DCAF8: variants seen among roughly 807,000 people sequenced by gnomAD.
The protein encoded by DCAF8 is DDB1- and CUL4-associated factor 8.
In DCAF8, 20 loss-of-function variants were observed where a neutral mutation model predicts 68.0. The ratio of observed to expected loss-of-function variants is 0.29; its 90% CI spans 0.21 to 0.43. The LOEUF is 0.43. Ranked by LOEUF, DCAF8 falls within the 20% of genes least tolerant of loss-of-function variation. DCAF8 has a pLI of 1.00. For synonymous variants in DCAF8, 230 were observed against 276.9 expected (o/e 0.83, Z 1.68); for missense variants, 460 against 771.0 (o/e 0.60, Z 4.78).
At chr1:160,240,522 T>C in intron 3 of DCAF8, 152 bp from the exon 4 acceptor site, 1 of 676,394 alleles carries the variant, frequency 1.5e-6, no homozygotes, top group South Asian at 2.2e-5. Context: ...GAGTACCCTC[T>C]GAGGGGAAAT....
In DCAF8 at chr1:160,240,110, C is replaced by G; in HGVS notation, c.310G>C (p.Glu104Gln). The G allele has an allele frequency of 1.9e-6, 3 of 1,611,422 alleles. No homozygotes were observed. The highest frequency in any genetic ancestry group is 2.5e-6 in the Non-Finnish European group (3 of 1,179,020). Residue 104 changes from glutamate to glutamine, a missense_variant, in exon 4 of 14, where the codon GAG becomes CAG. Transcript: ENST00000368074. ...TCTTCTTCCTCCTCTTCTTCCTCCTCTTCCTCTTCCTCTGAGCGGTCATGG... is the reference window on the plus strand; with the variant it reads ...TCTTCTTCCTCCTCTTCTTCCTCCTGTTCCTCTTCCTCTGAGCGGTCATGG... The part of the protein sequence containing the change: ...RVHDRSEEEE[E>Q]EEEEEEEEQP...
chr1:160,217,620 G>T lies in DCAF8; in HGVS notation c.1766C>A (p.Pro589His). The change falls in exon 14 of 14, where the codon CCT becomes CAT. Residue 589 changes from proline to histidine, a missense_variant. This residue lies in a region of DCAF8 where 80 missense variants were observed against 115.1 expected (regional missense o/e 0.70). Coordinates refer to ENST00000368074, the MANE Select transcript of DCAF8 (RefSeq NM_015726.4). ...SSDTSDEEEG[P>H]DRVQCMPS The stretch of plus-strand genomic sequence containing the variant: ...AGATGGCATGCACTGCACCCGGTCA[G>T]GGCCCTCCTCCTCGTCCGATGTGTC... 6.2e-7 allele frequency: 1 copy of T among 1,613,988 alleles called. No homozygotes were observed. The highest frequency in any genetic ancestry group is 8.5e-7 in the Non-Finnish European group (1 of 1,179,990).
At chr1:160,218,497 G>T in intron 12 of DCAF8, 57 bp from the exon 13 acceptor site, 2 of 1,278,100 alleles carry the variant, frequency 1.6e-6, no homozygotes, top group South Asian at 1.2e-5. Flanking sequence ...CCCGGGACCT[G>T]ATCAAGAAGG....
intron 7 of DCAF8, among the ~76,000 whole-genome samples, chr1:160,229,382 G>A (rs1386251705): frequency 6.6e-6 from 1 of 152,150 alleles, no homozygotes. Context: ...CAGAAGATTT[G>A]AGTATTTCTC....
rs1282298579 is a variant in DCAF8, at chr1:160,217,651, A to T, written c.1735T>A (p.Ser579Thr). ...TCCTCCTCGTCCGATGTGTCTGAGG[A>T]GCTGGGAGACTCATCAGAGTCCGCG... is the stretch of plus-strand genomic sequence containing the variant. The part of the protein sequence containing the change: ...TDADSDESPS[S>T]SDTSDEEEGP... Residue 579 changes from serine (S) to threonine (T), a missense_variant, in exon 14 of 14, where the codon TCC becomes ACC. Around this residue, in one of 8 missense-constraint regions of DCAF8, gnomAD observed 80 missense variants for 115.1 expected, o/e 0.70. Transcript: ENST00000368074. The T allele has an allele frequency of 8.1e-6, 13 of 1,614,102 alleles. No individual in the cohort carries two copies. Among genetic ancestry groups the T allele is most frequent in the Non-Finnish European group, 1.1e-5 (13 of 1,180,010 alleles).
At chr1:160,245,161 C>CT (rs1656268971) in intron 2 of DCAF8, among the ~76,000 whole-genome samples, 1 of 152,226 alleles carries the variant, frequency 6.6e-6, no homozygotes, top group Admixed American at 6.5e-5. Context: ...CCAGACTCAT[C>CT]TTTCCTTAAC....
intron 3 of DCAF8, among the ~76,000 whole-genome samples, chr1:160,243,406 C>CT (rs35258380): frequency 0.42 from 58,843 of 138,952 alleles, 12,727 homozygotes; most frequent in South Asian, 0.61. Context: ...ATGTAATCAC[C>CT]TTTTTTTTTT....
At chr1:160,223,154 T>C (rs1413510589) in intron 10 of DCAF8, among the ~76,000 whole-genome samples, 1 of 152,232 alleles carries the variant, frequency 6.6e-6, no homozygotes, top group Non-Finnish European at 1.5e-5. Flanking sequence ...CATTGGTACC[T>C]TGTCAATATT....
chr1:160,232,176 C>T (rs974050251), intron 6 of DCAF8, among the ~76,000 whole-genome samples: 3 of 151,806 alleles, frequency 2.0e-5, no homozygotes, highest in Non-Finnish European at 4.4e-5. Flanking sequence ...TGCCACGGTA[C>T]TCCAGCCTGC....
intron 11 of DCAF8, chr1:160,219,806 G>C (rs1359100439): frequency 1.3e-5 from 2 of 152,208 alleles, no homozygotes; most frequent in African/African-American, 2.4e-5. Flanking sequence ...CTTCCCTAAG[G>C]GAAGGGCAGG....
intron 2 of DCAF8, among the ~76,000 whole-genome samples, chr1:160,247,028 C>G (rs1427240246): frequency 6.6e-6 from 1 of 152,202 alleles, no homozygotes; most frequent in African/African-American, 2.4e-5. Flanking sequence ...AAACTGAGGT[C>G]TGCAGAGAAC....
chr1:160,217,744 G>C (rs763597545), intron 13 of DCAF8, 36 bp from the exon 14 acceptor site: 1 of 1,541,150 alleles, frequency 6.5e-7, no homozygotes, highest in East Asian at 2.3e-5. Context: ...AACTTCCCTG[G>C]ATGGAACAAG....
rs568239788 is a variant in DCAF8, at chr1:160,229,851, G to A, written c.1070+1446C>T. Among the ~76,000 whole-genome samples, 169 of 152,212 alleles carry A rather than the reference G, an allele frequency of 1.1e-3. 1 individual carries two copies. The highest frequency in any genetic ancestry group is 3.9e-3 in the African/African-American group (160 of 41,534). On this transcript the variant is annotated intron_variant, in intron 7 of 13. Coordinates refer to ENST00000368074, the MANE Select transcript of DCAF8 (RefSeq NM_015726.4). ...AGCCTGGCTAACACGGTGAGACCTCGGTTCTACTGAAAATACAAAAAATTA... is the reference window on the plus strand; with the variant it reads ...AGCCTGGCTAACACGGTGAGACCTCAGTTCTACTGAAAATACAAAAAATTA...
intron 5 of DCAF8, among the ~76,000 whole-genome samples, chr1:160,238,162 A>G (rs1210913425): frequency 6.6e-6 from 1 of 152,200 alleles, no homozygotes; most frequent in African/African-American, 2.4e-5. Flanking sequence ...ACCATGGATT[A>G]TTTGGCCTAT....
At chr1:160,252,128 G>A (rs566514040) in intron 2 of DCAF8, among the ~76,000 whole-genome samples, 1 of 152,280 alleles carries the variant, frequency 6.6e-6, no homozygotes, top group African/African-American at 2.4e-5. Context: ...CCACCCAGTG[G>A]CCTATGTGTA....
rs565130679 is a variant in DCAF8 at position 160,250,422 on chromosome 1, C to T, written c.-26-6388G>A. ...CGGAGGTTGCGGTGAGCCAAGATCGCACCATTGCACTCCAGCCTGGGCAAC... is the reference window on the plus strand; with the variant it reads ...CGGAGGTTGCGGTGAGCCAAGATCGTACCATTGCACTCCAGCCTGGGCAAC... On this transcript the variant is annotated intron_variant, in intron 2 of 13. Coordinates refer to ENST00000368074, the MANE Select transcript of DCAF8 (RefSeq NM_015726.4). Among the ~76,000 whole-genome samples the T allele has an allele frequency of 1.1e-4, 15 of 140,984 alleles. No homozygotes were observed. In the South Asian group the frequency reaches 3.0e-3, roughly 29 times the overall value. The allele number at this position is 140,984 out of a possible 152,430, so 92.5% of individuals were successfully genotyped here. A position where few individuals can be genotyped will look rare whatever the true frequency, so the allele number is the denominator to read the frequency against.
chr1:160,262,382 G>A (rs1336049750), intron 1 of DCAF8, 67 bp downstream of exon 1: 3 of 399,480 alleles, frequency 7.5e-6, no homozygotes, highest in Non-Finnish European at 1.3e-5. Context: ...TCTGCTAGCG[G>A]CTGCTCCGAC....
At chr1:160,250,464 CAA>C (rs386368471) in intron 2 of DCAF8, among the ~76,000 whole-genome samples, 6 of 66,642 alleles carry the variant, frequency 9.0e-5, no homozygotes, top group African/African-American at 2.6e-4. Context: ...GAAACTGTCT[CAA>C]AAAAAAAAAA....
intron 6 of DCAF8, 57 bp downstream of exon 6, chr1:160,237,078 G>T (rs1655922371): frequency 1.6e-6 from 2 of 1,228,884 alleles, no homozygotes; most frequent in Admixed American, 2.4e-5. Context: ...CAAGACATAT[G>T]GAATATGTTC....
Sources: gnomAD v4.1 joint callset for allele counts (sites outside exome capture counted in the v4.1 genomes callset) on GRCh38, gnomAD v4.1.1 for gene constraint, gnomAD v4.1.1 regional missense constraint, MANE v1.5 for transcripts, NCBI Gene and HGNC (gene_info 2026-07-23, HGNC 2026-07-21) for gene names.